The following HS6ST3 variants were observed in gnomAD, a reference collection of about 807,000 sequenced individuals.
The protein encoded by HS6ST3 is heparan-sulfate 6-O-sulfotransferase 3.
Under a neutral mutation model 36.7 loss-of-function variants are expected in HS6ST3, and 12 were observed. The observed-to-expected ratio is 0.33, with a 90% CI of 0.21 to 0.53. The LOEUF (loss-of-function observed/expected upper bound fraction) is 0.53. Among genes scored for constraint, HS6ST3 ranks in the 20% least tolerant of loss-of-function variants. The probability of loss-of-function intolerance (pLI) is 0.95; values close to 1 mark genes in which losing one functional copy is unlikely to be tolerated. For missense variants in HS6ST3, 584 were observed against 640.9 expected, an observed-to-expected ratio of 0.91 and a Z score of 0.96; for synonymous variants, 240 against 257.5, an observed-to-expected ratio of 0.93 and a Z score of 0.65.
intron 1 of HS6ST3, among the ~76,000 whole-genome samples, chr13:96,098,266 A>T (rs888158560): frequency 6.6e-6 from 1 of 152,190 alleles, no homozygotes; most frequent in African/African-American, 2.4e-5. Flanking sequence ...GAGGATGTGA[A>T]CTCTGATGTA....
intron 1 of HS6ST3, among the ~76,000 whole-genome samples, chr13:96,125,958 G>A (rs1192968136): frequency 6.6e-6 from 1 of 151,718 alleles, no homozygotes; most frequent in Non-Finnish European, 1.5e-5. Flanking sequence ...AGTCCCCAGA[G>A]TGTGATGTTC....
rs1191327531 is a variant in HS6ST3 at position 96,112,568 on chromosome 13, A to AAAATAAAT, written c.707+21005_707+21012dup. ...GGCAACATGATAAAACCCCATCTCT[A>AAAATAAAT]AAATAAATAAATATATATATATATA... is the stretch of plus-strand genomic sequence containing the variant. On this transcript the variant is annotated intron_variant, in intron 1 of 1. Coordinates refer to ENST00000376705, the MANE Select transcript of HS6ST3 (RefSeq NM_153456.4). 4.9e-4 allele frequency among the ~76,000 whole-genome samples: 39 copies of AAAATAAAT among 79,356 alleles called. 1 individual carries two copies. The highest frequency in any genetic ancestry group is 1.4e-3 in the African/African-American group (32 of 22,902). 52.1% of individuals were successfully genotyped at this position (79,356 alleles called of 152,430 possible). A position where few individuals can be genotyped will look rare whatever the true frequency, so the allele number is the denominator to read the frequency against.
At chr13:96,736,161 C>A (rs1876279970) in intron 1 of HS6ST3, among the ~76,000 whole-genome samples, 1 of 151,972 alleles carries the variant, frequency 6.6e-6, no homozygotes, top group South Asian at 2.1e-4. Context: ...GTACAACAAA[C>A]CCCCATGACA....
chr13:96,707,681 T>A (rs1343264960), intron 1 of HS6ST3, among the ~76,000 whole-genome samples: 1 of 152,174 alleles, frequency 6.6e-6, no homozygotes, highest in East Asian at 1.9e-4. Flanking sequence ...GCACTGGGAG[T>A]CAGGCACCTT....
chr13:96,606,332 A>T (rs188213913), intron 1 of HS6ST3, among the ~76,000 whole-genome samples: 13 of 152,222 alleles, frequency 8.5e-5, no homozygotes, highest in Admixed American at 4.6e-4. Context: ...TATGCCCATC[A>T]GTGGTGGACT....
At chr13:96,560,975 T>C (rs2056259814) in intron 1 of HS6ST3, among the ~76,000 whole-genome samples, 2 of 152,108 alleles carry the variant, frequency 1.3e-5, no homozygotes, top group South Asian at 4.1e-4. Flanking sequence ...CAAAGCAATC[T>C]ACAGATTCAA....
intron 1 of HS6ST3, among the ~76,000 whole-genome samples, chr13:96,752,584 G>A (rs999451000): frequency 7.9e-5 from 12 of 151,918 alleles, no homozygotes; most frequent in African/African-American, 2.4e-4. Context: ...TGTTTTTAGA[G>A]CATTTTAATA....
chr13:96,738,635 C>T (rs568143515), intron 1 of HS6ST3, among the ~76,000 whole-genome samples: 2 of 151,574 alleles, frequency 1.3e-5, no homozygotes, highest in African/African-American at 2.4e-5. Context: ...GTCTTGTGGT[C>T]ATTGAGAATG....
chr13:96,214,705 A>G (rs1381050906), intron 1 of HS6ST3, among the ~76,000 whole-genome samples: 1 of 152,198 alleles, frequency 6.6e-6, no homozygotes, highest in African/African-American at 2.4e-5. Context: ...CCATATCGTA[A>G]CCTGAATATC....
intron 1 of HS6ST3, among the ~76,000 whole-genome samples, chr13:96,267,942 T>C (rs1434512943): frequency 6.6e-6 from 1 of 151,926 alleles, no homozygotes; most frequent in Non-Finnish European, 1.5e-5. Context: ...TCATGACTTG[T>C]AGGCAGCTTC....
chr13:96,435,944 G>T (rs1037006812), intron 1 of HS6ST3, among the ~76,000 whole-genome samples: 1 of 152,120 alleles, frequency 6.6e-6, no homozygotes, highest in Non-Finnish European at 1.5e-5. Context: ...TAGCTCCCAA[G>T]TGCCATGTCA....
chr13:96,669,075 A>G lies in HS6ST3; in HGVS notation c.708-163415A>G, dbSNP rs984618338. 2.0e-5 allele frequency among the ~76,000 whole-genome samples: 3 copies of G among 152,198 alleles called. No individual in the cohort carries two copies. In the East Asian group the frequency reaches 5.8e-4, roughly 29 times the overall value. ...GAAGCAAAATATCACCTGATGTGCT[A>G]AAACCTGTTATTTGTGGTAGACCTA... On this transcript the variant is annotated intron_variant, in intron 1 of 1. Transcript: ENST00000376705.
chr13:96,296,093 C>A (rs546690499), intron 1 of HS6ST3, among the ~76,000 whole-genome samples: 1 of 152,200 alleles, frequency 6.6e-6, no homozygotes, highest in East Asian at 1.9e-4. Flanking sequence ...GTTTTGCATT[C>A]GCACTAGCCA....
chr13:96,479,901 GC>G (rs963702509), intron 1 of HS6ST3, among the ~76,000 whole-genome samples: 5 of 152,076 alleles, frequency 3.3e-5, no homozygotes, highest in African/African-American at 1.2e-4. Context: ...AGAGACAATG[GC>G]TGGGGAATTG....
intron 1 of HS6ST3, among the ~76,000 whole-genome samples, chr13:96,343,679 T>G (rs934770306): frequency 1.1e-4 from 16 of 152,288 alleles, no homozygotes; most frequent in Admixed American, 7.9e-4. Context: ...TCTTATACTT[T>G]TATTTATCTT....
In HS6ST3 at chr13:96,304,779, C is replaced by T. The variant is rs969355265; in HGVS notation, c.707+213210C>T. ...AGGCCGGAGTTCAGTGGCACGATCT[C>T]AGCTCACTGCAACCTCCGCTTCCCG... On this transcript the variant is annotated intron_variant, in intron 1 of 1. Transcript: ENST00000376705. 4.9e-5 allele frequency among the ~76,000 whole-genome samples: 7 copies of T among 142,900 alleles called. No individual in the cohort carries two copies. The Admixed American group carries it at 5.2e-4, about 11-fold the overall frequency. 93.7% of individuals were successfully genotyped at this position (142,900 alleles called of 152,430 possible).
intron 1 of HS6ST3, among the ~76,000 whole-genome samples, chr13:96,687,270 C>T (rs914368424): frequency 4.6e-5 from 7 of 151,942 alleles, no homozygotes; most frequent in Non-Finnish European, 8.8e-5. Flanking sequence ...GCTTTCAAGG[C>T]AGGCTATTAA....
intron 1 of HS6ST3, among the ~76,000 whole-genome samples, chr13:96,704,162 C>T (rs575339622): frequency 3.8e-4 from 58 of 152,248 alleles, no homozygotes; most frequent in Non-Finnish European, 5.9e-4. Flanking sequence ...CCATAATTTG[C>T]GCCAAAGCAA....
intron 1 of HS6ST3, among the ~76,000 whole-genome samples, chr13:96,466,682 CTA>C (rs2055815561): frequency 6.6e-6 from 1 of 152,152 alleles, no homozygotes; most frequent in Non-Finnish European, 1.5e-5. Flanking sequence ...GAGGTAATGG[CTA>C]TGTTGTTAAG....
Sources: gnomAD v4.1 joint callset for allele counts (sites outside exome capture counted in the v4.1 genomes callset) on GRCh38, gnomAD v4.1.1 for gene constraint, MANE v1.5 for transcripts, NCBI Gene and HGNC (gene_info 2026-07-23, HGNC 2026-07-21) for gene names.